The following ASCC2 variants were observed in gnomAD, a reference collection of about 807,000 sequenced individuals.
The protein encoded by ASCC2 is ASC-1 complex subunit P100.
A neutral mutation model predicts 93.5 loss-of-function variants in ASCC2; 42 were observed. The ratio of observed to expected loss-of-function variants is 0.45; its 90% CI spans 0.35 to 0.58. The LOEUF (loss-of-function observed/expected upper bound fraction) is 0.58. Among genes scored for constraint, ASCC2 ranks in the 20% least tolerant of loss-of-function variants. ASCC2 has a pLI of 0.00. For synonymous variants in ASCC2, 364 were observed against 384.2 expected, an observed-to-expected ratio of 0.95 and a Z score of 0.62; for missense variants, 859 against 977.6, an observed-to-expected ratio of 0.88 and a Z score of 1.62.
chr22:29,808,246 A>G (rs1484004769), intron 8 of ASCC2, 61 bp from the exon 9 acceptor site: 3 of 1,539,424 alleles, frequency 1.9e-6, no homozygotes, highest in East Asian at 4.5e-5. Flanking sequence ...CTTCATAAGA[A>G]CATCAAAGCA....
intron 18 of ASCC2, among the ~76,000 whole-genome samples, chr22:29,791,096 C>T (rs2057686872): frequency 1.3e-5 from 2 of 152,144 alleles, no homozygotes; most frequent in African/African-American, 4.8e-5. Context: ...AAAAAAAAGG[C>T]CAGACACTGT....
At position 29,825,834 on chromosome 22, in the gene ASCC2, C is replaced by T; in HGVS notation, c.82-54G>A. ...TGGCAGAGGTTAGTCAGCGAGGGCC[C>T]ATTTGCCAACCCACAGCAATGACAA... On this transcript the variant is annotated intron_variant, in intron 2 of 19. Transcript: ENST00000307790. This position sits in a 1 kb window ranked among gnomAD's most constrained non-coding sequence, Gnocchi z 4.9. 6.4e-7 allele frequency: 1 copy of T among 1,554,596 alleles called. No individual in the cohort carries two copies. The highest frequency in any genetic ancestry group is 1.9e-5 in the Admixed American group (1 of 53,452).
chr22:29,816,859 G>C (rs2060922466), intron 5 of ASCC2: 2 of 152,178 alleles, frequency 1.3e-5, no homozygotes, highest in Admixed American at 1.3e-4. Context: ...TTGGGGACGT[G>C]ACAATGTGAA....
rs1568953123 is a variant in ASCC2 at position 29,827,827 on chromosome 22, ACACATACAC to A, written c.82-2056_82-2048del. On this transcript the variant is annotated intron_variant, in intron 2 of 19. Coordinates refer to ENST00000307790, the MANE Select transcript of ASCC2 (RefSeq NM_032204.5). ...CTCATTCTGACACACACACACACAC[ACACATACAC>A]CCAGACTACTCATTCTCCTGACACA... 1.8e-4 allele frequency among the ~76,000 whole-genome samples: 24 copies of A among 130,744 alleles called. 3 individuals carry two copies. Among genetic ancestry groups the A allele is most frequent in the African/African-American group, 7.0e-4 (23 of 33,006 alleles). The allele number at this position is 130,744 out of a possible 152,430, so 85.8% of individuals were successfully genotyped here.
chr22:29,805,433 G>A (rs111344361), intron 12 of ASCC2, among the ~76,000 whole-genome samples: 1 of 152,114 alleles, frequency 6.6e-6, no homozygotes, highest in Admixed American at 6.5e-5. Context: ...TCACTGGCCC[G>A]AGCCTCACGG....
chr22:29,800,075 T>A (rs1000048199), intron 15 of ASCC2, among the ~76,000 whole-genome samples: 4 of 152,238 alleles, frequency 2.6e-5, no homozygotes, highest in African/African-American at 9.6e-5. Context: ...CATGAGCCGC[T>A]GCACCCAGCC....
intron 1 of ASCC2, chr22:29,833,567 AG>A (rs2063410379): frequency 2.1e-6 from 1 of 470,900 alleles, no homozygotes; most frequent in Admixed American, 2.4e-5. Flanking sequence ...GGCAGATCCA[AG>A]GTCTCCTGTC....
At chr22:29,815,810 C>G (rs2060783876) in intron 6 of ASCC2, among the ~76,000 whole-genome samples, 196 bp downstream of exon 6, 1 of 152,178 alleles carries the variant, frequency 6.6e-6, no homozygotes, top group South Asian at 2.1e-4. Flanking sequence ...AGGCTTAAGT[C>G]TTGTTCAAAA....
Position 29,827,880 on chromosome 22 carries a change from C to T in ASCC2, c.82-2100G>A. 1.5e-5 allele frequency among the ~76,000 whole-genome samples: 2 copies of T among 132,258 alleles called. 1 individual carries two copies. 86.8% of individuals were successfully genotyped at this position (132,258 alleles called of 152,430 possible). A position where few individuals can be genotyped will look rare whatever the true frequency, so the allele number is the denominator to read the frequency against. The stretch of plus-strand genomic sequence containing the variant: ...TGACACACACACACACACACACACA[C>T]CAGGCTACTCATTCTTCTGACACAC... On this transcript the variant is annotated intron_variant, in intron 2 of 19. Transcript: ENST00000307790.
At chr22:29,814,627 G>A (rs2060629584) in intron 7 of ASCC2, 30 bp downstream of exon 7, 2 of 1,556,802 alleles carry the variant, frequency 1.3e-6, no homozygotes, top group Non-Finnish European at 1.7e-6. Flanking sequence ...GACCCGGCAG[G>A]AAAGAGACTG....
chr22:29,807,136 G>T (rs1164491606), intron 9 of ASCC2, among the ~76,000 whole-genome samples: 3 of 151,282 alleles, frequency 2.0e-5, no homozygotes, highest in Admixed American at 6.6e-5. Flanking sequence ...AGCTCCTGGG[G>T]AGGCTAAGGC....
At chr22:29,808,846 C>T (rs993960553) in intron 8 of ASCC2, among the ~76,000 whole-genome samples, 2 of 150,560 alleles carry the variant, frequency 1.3e-5, no homozygotes, top group African/African-American at 4.9e-5. Flanking sequence ...TGGCTGGGTG[C>T]GGTGGCTCAC....
Position 29,806,526 on chromosome 22 carries a change from T to G in ASCC2, c.1044A>C (p.Glu348Asp). The change falls in exon 11 of 20, where the codon GAA (glutamate) becomes GAC (aspartate). Residue 348 changes from glutamate to aspartate, a missense_variant. By Grantham distance (45) the Glu-to-Asp change is conservative. Coordinates refer to ENST00000307790, the MANE Select transcript of ASCC2 (RefSeq NM_032204.5). Reference sequence around the variant, plus strand: ...AGGAGCTGAAGATCTGAAGGAACTCTTCGATGAAGCCCTGAATGTTGTCAC... The same window carrying G: ...AGGAGCTGAAGATCTGAAGGAACTCGTCGATGAAGCCCTGAATGTTGTCAC... Reference protein sequence around the residue: ...SSCDNIQGFIEEFLQIFSSLL... With the variant: ...SSCDNIQGFIDEFLQIFSSLL... The G allele has an allele frequency of 6.2e-7, 1 of 1,613,922 alleles. No individual in the cohort carries two copies. Among genetic ancestry groups the G allele is most frequent in the Non-Finnish European group, 8.5e-7 (1 of 1,179,936 alleles).
At chr22:29,808,208 A>G (rs1601957564) in intron 8 of ASCC2, 23 bp from the exon 9 acceptor site, 2 of 1,612,402 alleles carry the variant, frequency 1.2e-6, no homozygotes, top group Non-Finnish European at 1.7e-6. Context: ...ACACAGGGAA[A>G]ATGTTGGATT....
In ASCC2 at chr22:29,814,737, A is replaced by G. The variant is rs1569404221; in HGVS notation, c.640T>C (p.Leu214=). The G allele has an allele frequency of 2.5e-6, 4 of 1,609,814 alleles. No homozygotes were observed. Among genetic ancestry groups the G allele is most frequent in the Non-Finnish European group, 3.4e-6 (4 of 1,178,258 alleles). ...GTGGTATTGGCCCCGTCCCCTTGCA[A>G]ACCACAGTGCTGGAGGATATTGCTG... ...VFSNILQHCG[L]QGDGANTTPQ... is the part of the protein sequence containing the mutation. Residue 214 remains leucine, a synonymous_variant, in exon 7 of 20, where the codon TTG becomes CTG. Coordinates refer to ENST00000307790, the MANE Select transcript of ASCC2 (RefSeq NM_032204.5).
chr22:29,824,830 G>A (rs190462290), intron 4 of ASCC2, among the ~76,000 whole-genome samples: 164 of 152,294 alleles, frequency 1.1e-3, no homozygotes, highest in African/African-American at 3.9e-3. Flanking sequence ...TGACGCACAA[G>A]TCAAGGCAGT....
chr22:29,813,608 G>A, intron 7 of ASCC2, 66 bp from the exon 8 acceptor site: 1 of 1,077,520 alleles, frequency 9.3e-7, no homozygotes, highest in South Asian at 1.3e-5. Context: ...CAGAGCACCT[G>A]AGACAACATT....
chr22:29,792,662 A>C, intron 17 of ASCC2, 127 bp from the exon 18 acceptor site: 2 of 1,254,684 alleles, frequency 1.6e-6, no homozygotes, highest in Non-Finnish European at 2.2e-6. Context: ...GAAAAACCAA[A>C]AGCCTTTCAA....
intron 13 of ASCC2, among the ~76,000 whole-genome samples, chr22:29,802,493 A>C (rs199895079): frequency 2.3e-5 from 1 of 44,094 alleles, no homozygotes; most frequent in South Asian, 3.9e-4. Context: ...GAAAATAAAC[A>C]AAAAAAAAAA....
Sources: allele counts gnomAD v4.1 joint callset (sites outside exome capture counted in the v4.1 genomes callset), GRCh38; gene constraint gnomAD v4.1.1; non-coding constraint Gnocchi (gnomAD v3.1); transcripts MANE v1.5; gene names NCBI Gene and HGNC (gene_info 2026-07-23, HGNC 2026-07-21).